Variants in SLC39A4 observed in about 807,000 individuals in gnomAD.
SLC39A4 encodes the protein solute carrier family 39 member 4.
SLC39A4 carries 49 observed loss-of-function variants against 56.6 expected under a neutral mutation model. The ratio of observed to expected loss-of-function variants is 0.87; its 90% CI spans 0.69 to 1.10. The LOEUF (loss-of-function observed/expected upper bound fraction) is 1.10, where lower values mean the gene tolerates loss of function less well. Ranked by LOEUF, SLC39A4 falls within the 50% of genes least tolerant of loss-of-function variation. The pLI is 0.00. For synonymous variants in SLC39A4, 540 were observed against 420.4 expected (o/e 1.28, Z -3.48); for missense variants, 993 against 864.2 (o/e 1.15, Z -1.87).
Position 144,416,072 on chromosome 8 carries a change from G to C in SLC39A4, c.212C>G (p.Ala71Gly). Residue 71 changes from alanine to glycine, a missense_variant, in exon 2 of 12, where the codon GCC (alanine) becomes GGC (glycine). By Grantham distance (60) the Ala-to-Gly change is moderately conservative. Transcript: ENST00000301305. ...CCCCTCAGGCTCGCCCAGGCCCAGG[G>C]CGTCCTCCACAGACAGGCACTGTGG... is the stretch of plus-strand genomic sequence containing the variant. ...PCGKCLSVEDALGLGEPEGSG... is the reference protein window; with the variant it reads ...PCGKCLSVEDGLGLGEPEGSG... 6.3e-7 allele frequency: 1 copy of C among 1,595,850 alleles called. No homozygotes were observed. Among genetic ancestry groups the C allele is most frequent in the East Asian group, 2.3e-5 (1 of 44,424 alleles).
intron 1 of SLC39A4, 70 bp from the exon 2 acceptor site, chr8:144,416,161 G>T: frequency 1.3e-6 from 2 of 1,595,286 alleles, no homozygotes; most frequent in Non-Finnish European, 1.7e-6. Flanking sequence ...CTGGCCAGGG[G>T]CTTCCCCGAG....
rs374273235 is a variant in SLC39A4 at position 144,416,005 on chromosome 8, G to T, written c.279C>A (p.Val93=). The change falls in exon 2 of 12, where the codon GTC becomes GTA. Residue 93 remains valine, a synonymous_variant. Transcript: ENST00000301305. ...PPGPVLEARY[V]ARLSAAAVLY... is the part of the protein sequence containing the mutation. ...GGACGGCGGCGGCACTGAGGCGGGC[G>T]ACGTACCTGGCCTCCAGGACCGGGC... The T allele has an allele frequency of 1.3e-6, 2 of 1,580,968 alleles. No individual in the cohort carries two copies. Among genetic ancestry groups the T allele is most frequent in the Non-Finnish European group, 1.7e-6 (2 of 1,164,956 alleles).
At position 144,414,920 on chromosome 8, in the gene SLC39A4, A is replaced by G. The variant is rs376903419; in HGVS notation, c.805-24T>C. ...ACCTGGGGGGTGGCAGGACAGGCTC[A>G]GGGGCCCAAGCAGACCCCGGTGAGG... On this transcript the variant is annotated intron_variant, in intron 4 of 11. Transcript: ENST00000301305. 1.1e-4 allele frequency: 183 copies of G among 1,612,966 alleles called. No individual in the cohort carries two copies. The highest frequency in any genetic ancestry group is 1.3e-4 in the Non-Finnish European group (159 of 1,179,936).
In SLC39A4 at chr8:144,414,049, G is replaced by A; in HGVS notation, c.1196C>T (p.Pro399Leu). 1 of 1,575,284 alleles carries A rather than the reference G, an allele frequency of 6.3e-7. No individual in the cohort carries two copies. The highest frequency in any genetic ancestry group is 8.6e-7 in the Non-Finnish European group (1 of 1,160,314). ...THSEEGLSPQ[P>L]TWRLLAMLAG... ...CAGCATAGCCAGGAGGCGCCAGGTG[G>A]GCTGTGGGCTGAGGCCCTCTTCGCT... Residue 399 changes from proline to leucine, a missense_variant, in exon 7 of 12, where the codon CCC becomes CTC. Transcript: ENST00000301305.
intron 6 of SLC39A4, 23 bp from the exon 7 acceptor site, chr8:144,414,118 T>G (rs1262137103): frequency 2.8e-5 from 43 of 1,553,812 alleles, no homozygotes; most frequent in Non-Finnish European, 3.7e-5. Flanking sequence ...GGCGCTGGGC[T>G]GGGGGGGAGG....
intron 9 of SLC39A4, 40 bp downstream of exon 9, chr8:144,413,473 C>T: frequency 2.6e-6 from 4 of 1,564,180 alleles, no homozygotes; most frequent in Non-Finnish European, 3.5e-6. Context: ...ACACAAACCC[C>T]AGATCCCCCA....
At chr8:144,414,556 C>CCT in intron 5 of SLC39A4, 122 bp from the exon 6 acceptor site, 8 of 1,502,802 alleles carry the variant, frequency 5.3e-6, no homozygotes, top group Non-Finnish European at 6.3e-6. Context: ...GGCTGACCCT[C>CCT]CTGCCTCAAA....
chr8:144,413,458 G>T, intron 9 of SLC39A4, 55 bp downstream of exon 9: 11 of 1,573,100 alleles, frequency 7.0e-6, no homozygotes, highest in Non-Finnish European at 9.5e-6. Context: ...CCCCACCCGC[G>T]CTCCACACAA....
chr8:144,412,550 G>T lies in SLC39A4; in HGVS notation c.1932C>A (p.Asp644Glu). Residue 644 changes from aspartate to glutamate, a missense_variant, in exon 12 of 12, where the codon GAC (aspartate) becomes GAA (glutamate). Coordinates refer to ENST00000301305, the MANE Select transcript of SLC39A4 (RefSeq NM_130849.4). ...CTAGGGCAGGGTATCAGAAGGTGAT[G>T]TCATCCTCGTACAGGGACAGCAGCA... Reference protein sequence around the residue: ...VLLLLSLYEDDITF With the variant: ...VLLLLSLYEDEITF 3.7e-6 allele frequency: 6 copies of T among 1,614,202 alleles called. No homozygotes were observed. Among genetic ancestry groups the T allele is most frequent in the Non-Finnish European group, 5.1e-6 (6 of 1,180,030 alleles).
chr8:144,415,746 C>T (rs960869700), intron 2 of SLC39A4, 64 bp downstream of exon 2: 22 of 1,508,940 alleles, frequency 1.5e-5, no homozygotes, highest in African/African-American at 6.9e-5. Flanking sequence ...GCAGCCAGGC[C>T]GGGTCCCATG....
At chr8:144,416,455 G>A in intron 1 of SLC39A4, 143 bp downstream of exon 1, 2 of 1,464,044 alleles carry the variant, frequency 1.4e-6, no homozygotes, top group Non-Finnish European at 1.8e-6. Flanking sequence ...GCTCTGGCCT[G>A]TGGGGAGGGT....
At position 144,412,927 on chromosome 8, in the gene SLC39A4, C is replaced by T. The variant is rs1554872071; in HGVS notation, c.1647G>A (p.Leu549=). 4.4e-6 allele frequency: 7 copies of T among 1,604,692 alleles called. No homozygotes were observed. The highest frequency in any genetic ancestry group is 5.9e-6 in the Non-Finnish European group (7 of 1,178,822). Residue 549 remains leucine (L), a synonymous_variant, in exon 11 of 12, where the codon CTG becomes CTA. Coordinates refer to ENST00000301305, the MANE Select transcript of SLC39A4 (RefSeq NM_130849.4). ...CTTGGCGCACGGACAGCCCCGCGTG[C>T]AGCAAGGCGGCGAAGTCCCCTGCGG... ...PHELGDFAAL[L]HAGLSVRQAL... is the part of the protein sequence containing the mutation.
At chr8:144,415,784 C>G (rs781987925) in intron 2 of SLC39A4, 26 bp downstream of exon 2, 1 of 1,584,270 alleles carries the variant, frequency 6.3e-7, no homozygotes, top group East Asian at 2.3e-5. Context: ...CACCCACTCC[C>G]CTGGTCTGCC....
chr8:144,413,206 C>CCAT (rs1554872208), intron 10 of SLC39A4, 31 bp downstream of exon 10: 1 of 1,539,218 alleles, frequency 6.5e-7, no homozygotes, highest in Admixed American at 2.0e-5. Flanking sequence ...GCGGCCCCGC[C>CCAT]CATCTCCTTC....
rs1220726140 is a variant in SLC39A4, at chr8:144,413,229, G to A, written c.1627+8C>T. ...GCCCATCTCCTTCCAGGCCCCGCCT[G>A]CGCTCACCCAGCTCGTGTGGCAACT... is the stretch of plus-strand genomic sequence containing the variant. On this transcript the variant is annotated splice_region_variant and intron_variant, in intron 10 of 11. Transcript: ENST00000301305. 1.9e-6 allele frequency: 3 copies of A among 1,565,996 alleles called. No individual in the cohort carries two copies. Among genetic ancestry groups the A allele is most frequent in the South Asian group, 1.2e-5 (1 of 86,318 alleles).
chr8:144,415,179 G>A lies in SLC39A4; in HGVS notation c.667+48C>T, dbSNP rs746968896. 8 of 1,612,586 alleles carry A rather than the reference G, an allele frequency of 5.0e-6. No individual in the cohort carries two copies. In the African/African-American group the frequency reaches 8.0e-5, roughly 16 times the overall value. ...GGCCCTGCCCCCCAGGGACGTGGAGGCTGGGGACTCGGGGGTGCCCCCCTC... is the reference window on the plus strand; with the variant it reads ...GGCCCTGCCCCCCAGGGACGTGGAGACTGGGGACTCGGGGGTGCCCCCCTC... On this transcript the variant is annotated intron_variant, in intron 3 of 11. Coordinates refer to ENST00000301305, the MANE Select transcript of SLC39A4 (RefSeq NM_130849.4).
chr8:144,414,085 A>T lies in SLC39A4; in HGVS notation c.1160T>A (p.Leu387Gln), dbSNP rs1159656091. ...GAGGCCCTCTTCGCTGTGTGTATGC[A>T]GCCCCAGCACCTGGGGAGTAGGGGC... ...VLHLTPKVLG[L>Q]HTHSEEGLSP... The change falls in exon 7 of 12, where the codon CTG becomes CAG. Residue 387 changes from leucine to glutamine, a missense_variant. Transcript: ENST00000301305. The T allele has an allele frequency of 6.4e-7, 1 of 1,557,900 alleles. No homozygotes were observed. Among genetic ancestry groups the T allele is most frequent in the African/African-American group, 1.4e-5 (1 of 73,436 alleles).
chr8:144,413,840 G>A lies in SLC39A4; in HGVS notation c.1329C>T (p.His443=), dbSNP rs781817185. Residue 443 remains histidine, a synonymous_variant, in exon 8 of 12, where the codon CAC becomes CAT. Transcript: ENST00000301305. ...DGPCGHSSHS[H]GGHSHGVSLQ... is the part of the protein sequence containing the mutation. Reference sequence around the variant, plus strand: ...GGGACACACCGTGGCTGTGGCCCCCGTGGCTATGGCTGCTGTGGCCGCAGG... The same window carrying A: ...GGGACACACCGTGGCTGTGGCCCCCATGGCTATGGCTGCTGTGGCCGCAGG... 3.8e-6 allele frequency: 6 copies of A among 1,596,280 alleles called. No homozygotes were observed. In the Admixed American group the frequency reaches 5.1e-5, roughly 14 times the overall value.
At position 144,413,561 on chromosome 8, in the gene SLC39A4, C is replaced by G. The variant is rs201400971; in HGVS notation, c.1426G>C (p.Glu476Gln). The G allele has an allele frequency of 1.9e-6, 3 of 1,553,446 alleles. No individual in the cohort carries two copies. The highest frequency in any genetic ancestry group is 2.6e-6 in the Non-Finnish European group (3 of 1,148,578). Residue 476 changes from glutamate to glutamine, a missense_variant, in exon 9 of 12, where the codon GAG becomes CAG. Transcript: ENST00000301305. ...HEGSRADLVA[E>Q]ESPELLNPEP... is the part of the protein sequence containing the mutation. ...GGGTTCAGCAGCTCCGGGCTCTCCT[C>G]CGCCACCTGGGAGGAGCCTTGAGTA...
Sources: gnomAD v4.1 joint callset for allele counts on GRCh38, gnomAD v4.1.1 for gene constraint, MANE v1.5 for transcripts, NCBI Gene and HGNC (gene_info 2026-07-23, HGNC 2026-07-21) for gene names.